STRN: variants seen among roughly 807,000 people sequenced by gnomAD.
STRN encodes protein phosphatase 2 regulatory subunit B'''alpha.
A neutral mutation model predicts 96.3 loss-of-function variants in STRN; 53 were observed. The observed-to-expected ratio is 0.55, with a 90% CI of 0.44 to 0.69. STRN has a LOEUF of 0.69. Among genes scored for constraint, STRN ranks in the 30% least tolerant of loss-of-function variants. STRN has a pLI of 0.00. For missense variants in STRN, 987 were observed against 963.9 expected (o/e 1.02, Z -0.32); for synonymous variants, 428 against 355.9 (o/e 1.20, Z -2.28).
At chr2:36,931,774 T>A (rs1670579621) in intron 1 of STRN, among the ~76,000 whole-genome samples, 1 of 152,116 alleles carries the variant, frequency 6.6e-6, no homozygotes, top group East Asian at 1.9e-4. Context: ...AACTCTGGAG[T>A]CAAGTAGAGA....
chr2:36,900,801 C>G (rs2717502), intron 5 of STRN, among the ~76,000 whole-genome samples: 143,449 of 152,128 alleles, frequency 0.94, 68,199 homozygotes, highest in East Asian at 1. Flanking sequence ...GCTTAGGCAG[C>G]AGAATCGCTT....
intron 6 of STRN, among the ~76,000 whole-genome samples, chr2:36,899,311 A>G (rs568745732): frequency 3.3e-4 from 50 of 152,330 alleles, no homozygotes; most frequent in African/African-American, 1.1e-3. Context: ...AATGAACAAA[A>G]AGTCAAACAG....
At chr2:36,922,626 T>C (rs1391468437) in intron 2 of STRN, among the ~76,000 whole-genome samples, 3 of 150,168 alleles carry the variant, frequency 2.0e-5, no homozygotes, top group Non-Finnish European at 4.4e-5. Flanking sequence ...TCTTGCCCCC[T>C]CTACCATTAT....
chr2:36,934,349 A>T (rs1014195006), intron 1 of STRN, among the ~76,000 whole-genome samples: 5 of 152,350 alleles, frequency 3.3e-5, no homozygotes, highest in African/African-American at 1.2e-4. Flanking sequence ...CTTGTAGAAT[A>T]TGCGTACATG....
intron 3 of STRN, among the ~76,000 whole-genome samples, chr2:36,913,172 A>C (rs1004502996): frequency 6.6e-6 from 1 of 152,106 alleles, no homozygotes. Flanking sequence ...ACTACAGCCC[A>C]CGTAATCCAA....
intron 6 of STRN, among the ~76,000 whole-genome samples, chr2:36,897,779 C>T (rs1669584123): frequency 6.6e-6 from 1 of 152,074 alleles, no homozygotes; most frequent in African/African-American, 2.4e-5. Flanking sequence ...GATCATGGCT[C>T]ACTGCAACAT....
chr2:36,868,384 T>A (rs901628431), intron 11 of STRN, among the ~76,000 whole-genome samples: 2 of 152,184 alleles, frequency 1.3e-5, no homozygotes, highest in Non-Finnish European at 2.9e-5. Flanking sequence ...GCCTTTCCAA[T>A]AAGGATAATA....
chr2:36,885,636 G>A (rs115520478), intron 8 of STRN, among the ~76,000 whole-genome samples: 1 of 151,916 alleles, frequency 6.6e-6, no homozygotes, highest in Non-Finnish European at 1.5e-5. Flanking sequence ...CAAGCTAAAC[G>A]CTTGTAATTT....
At chr2:36,932,312 G>C (rs1307687878) in intron 1 of STRN, among the ~76,000 whole-genome samples, 2 of 151,878 alleles carry the variant, frequency 1.3e-5, no homozygotes, top group African/African-American at 4.8e-5. Flanking sequence ...CCGCCACTGC[G>C]TCTGGCTAAT....
At chr2:36,893,844 T>C (rs925120620) in intron 7 of STRN, 54 bp downstream of exon 7, 77 of 1,540,554 alleles carry the variant, frequency 5.0e-5, no homozygotes, top group Non-Finnish European at 6.3e-5. Flanking sequence ...TGGTAAAATA[T>C]TAATTTCTTT....
At chr2:36,879,908 C>A (rs1669022212) in intron 9 of STRN, among the ~76,000 whole-genome samples, 1 of 151,766 alleles carries the variant, frequency 6.6e-6, no homozygotes. Flanking sequence ...GGTGAGAGGA[C>A]CCTTTGGGGC....
At chr2:36,914,361 A>G (rs571649936) in intron 3 of STRN, among the ~76,000 whole-genome samples, 1 of 152,370 alleles carries the variant, frequency 6.6e-6, no homozygotes, top group African/African-American at 2.4e-5. Flanking sequence ...TCCAAAACTT[A>G]TGAAAACTTT....
chr2:36,931,068 C>T (rs1417571321), intron 1 of STRN, among the ~76,000 whole-genome samples: 1 of 151,834 alleles, frequency 6.6e-6, no homozygotes, highest in Non-Finnish European at 1.5e-5. Context: ...AAGAATAGTC[C>T]CAGAACCCTA....
At chr2:36,861,927 C>T (rs2148138540) in intron 12 of STRN, among the ~76,000 whole-genome samples, 1 of 152,270 alleles carries the variant, frequency 6.6e-6, no homozygotes, top group East Asian at 1.9e-4. Flanking sequence ...CCTCTTCCCA[C>T]CCTTCACAGT....
intron 12 of STRN, among the ~76,000 whole-genome samples, chr2:36,865,135 T>A (rs988376494): frequency 6.6e-6 from 1 of 152,260 alleles, no homozygotes; most frequent in African/African-American, 2.4e-5. Context: ...GGTAAGCTTT[T>A]TATTACTGAT....
chr2:36,922,949 C>G (rs1670300995), intron 2 of STRN, among the ~76,000 whole-genome samples: 1 of 151,648 alleles, frequency 6.6e-6, no homozygotes, highest in South Asian at 2.1e-4. Flanking sequence ...CGAGACCATC[C>G]CAGTCAACAT....
chr2:36,862,398 C>T (rs1368231659), intron 12 of STRN, among the ~76,000 whole-genome samples: 1 of 152,210 alleles, frequency 6.6e-6, no homozygotes, highest in South Asian at 2.1e-4. Flanking sequence ...TTCTCCACAG[C>T]CTTGCCAGCA....
At chr2:36,942,036 G>C (rs984689595) in intron 1 of STRN, among the ~76,000 whole-genome samples, 4 of 152,102 alleles carry the variant, frequency 2.6e-5, no homozygotes, top group Non-Finnish European at 5.9e-5. Context: ...TGCTTTCTTA[G>C]ATTCTACTGT....
At chr2:36,925,077 A>C (rs1374499863) in intron 2 of STRN, 28 bp downstream of exon 2, 1 of 1,581,460 alleles carries the variant, frequency 6.3e-7, no homozygotes, top group Non-Finnish European at 8.7e-7. Flanking sequence ...AACAAAAAAG[A>C]ACACCACTTT....
Sources: allele counts gnomAD v4.1 joint callset (sites outside exome capture counted in the v4.1 genomes callset), GRCh38; gene constraint gnomAD v4.1.1; transcripts MANE v1.5; gene names NCBI Gene and HGNC (gene_info 2026-07-23, HGNC 2026-07-21).